The following PLEKHG5 variants were observed in gnomAD, a reference collection of about 807,000 sequenced individuals.
PLEKHG5 encodes the protein pleckstrin homology domain-containing family G member 5.
A neutral mutation model predicts 103.8 loss-of-function variants in PLEKHG5; 52 were observed. The ratio of observed to expected loss-of-function variants is 0.50; its 90% confidence interval spans 0.40 to 0.63. The LOEUF (loss-of-function observed/expected upper bound fraction) is 0.63. Among genes scored for constraint, PLEKHG5 ranks in the 30% least tolerant of loss-of-function variants. The pLI is 0.00. For synonymous variants in PLEKHG5, 592 were observed against 575.5 expected, an observed-to-expected ratio of 1.03 and a Z score of -0.41; for missense variants, 1,205 against 1,347.6, an observed-to-expected ratio of 0.89 and a Z score of 1.66.
chr1:6,479,105 AACAAAG>A (rs1016729063), intron 1 of PLEKHG5, among the ~76,000 whole-genome samples: 4 of 152,172 alleles, frequency 2.6e-5, no homozygotes, highest in Admixed American at 2.6e-4. Flanking sequence ...GCTGCCTAAG[AACAAAG>A]ACAGTTTTCC....
chr1:6,485,537 G>A, intron 1 of PLEKHG5: 1 of 1,184,074 alleles, frequency 8.4e-7, no homozygotes, highest in Non-Finnish European at 1.1e-6. Flanking sequence ...CCCCCGCCGA[G>A]CGCGGGGACC....
At chr1:6,469,310 C>T in intron 18 of PLEKHG5, 25 bp downstream of exon 18, 3 of 1,612,806 alleles carry the variant, frequency 1.9e-6, no homozygotes, top group Non-Finnish European at 1.7e-6. Flanking sequence ...CTGCCTTGCC[C>T]ACCCACTCAC....
chr1:6,485,178 C>A (rs930434302), intron 1 of PLEKHG5: 1 of 523,172 alleles, frequency 1.9e-6, no homozygotes, highest in African/African-American at 2.0e-5. Flanking sequence ...GTAGGGGGCT[C>A]GGCCGCCATG....
At chr1:6,494,417 C>T (rs779240741), upstream of PLEKHG5, among the ~76,000 whole-genome samples, 10 of 151,852 alleles carry the variant, frequency 6.6e-5, no homozygotes, top group African/African-American at 1.2e-4. Context: ...AGGTGTGAGC[C>T]ACCACGCCAG....
intron 1 of PLEKHG5, among the ~76,000 whole-genome samples, chr1:6,503,351 G>C (rs1027236731): frequency 2.6e-5 from 4 of 151,688 alleles, no homozygotes; most frequent in Non-Finnish European, 5.9e-5. Flanking sequence ...CAGATGCAGT[G>C]AGCTGTGATC....
At position 6,505,513 on chromosome 1, in the gene PLEKHG5, C is replaced by G. The variant is rs1206817646; in HGVS notation, c.-164-8944G>C. On this transcript the variant is annotated intron_variant, in intron 1 of 21. Coordinates refer to the PLEKHG5 transcript ENST00000377740. The surrounding 1 kb of genome is among the most constrained non-coding windows in gnomAD (Gnocchi z 4.2). ...AGGAGCAGTCCAACGTCCCACCCCT[C>G]TAAACACAAGCCACGGGGCTCAGCG... 2.0e-5 allele frequency among the ~76,000 whole-genome samples: 3 copies of G among 152,212 alleles called. No individual in the cohort carries two copies. The highest frequency in any genetic ancestry group is 4.4e-5 in the Non-Finnish European group (3 of 68,044).
At chr1:6,489,444 C>T (rs561854000) in intron 1 of PLEKHG5, among the ~76,000 whole-genome samples, 1 of 152,224 alleles carries the variant, frequency 6.6e-6, no homozygotes, top group Non-Finnish European at 1.5e-5. Flanking sequence ...GCCCACCGCA[C>T]GGGCCCTGGA....
rs1216757362 is a variant in PLEKHG5, at chr1:6,475,329, C to A, written c.210+133G>T. ...ATGGGAACCCCAGCAAGAAAGGGAACCCCAGCGATCTCCCAGACCTCTGCA... is the reference window on the plus strand; with the variant it reads ...ATGGGAACCCCAGCAAGAAAGGGAAACCCAGCGATCTCCCAGACCTCTGCA... On this transcript the variant is annotated intron_variant, in intron 4 of 20. Coordinates refer to ENST00000377728, the MANE Select transcript of PLEKHG5 (RefSeq NM_020631.6). 11 of 802,804 alleles carry A rather than the reference C, an allele frequency of 1.4e-5. No individual in the cohort carries two copies. In the Admixed American group the frequency reaches 2.0e-4, roughly 14 times the overall value. 49.7% of individuals were successfully genotyped at this position (802,804 alleles called of 1,614,324 possible). A position where few individuals can be genotyped will look rare whatever the true frequency, so the allele number is the denominator to read the frequency against.
intron 12 of PLEKHG5, 61 bp from the exon 13 acceptor site, chr1:6,471,161 C>A: frequency 7.3e-7 from 1 of 1,374,262 alleles, no homozygotes; most frequent in Non-Finnish European, 1.0e-6. Context: ...GGCCGGCCCG[C>A]GCCAGGCGCT....
At chr1:6,472,361 G>T (rs1029170088) in intron 10 of PLEKHG5, among the ~76,000 whole-genome samples, 166 bp downstream of exon 10, 1 of 152,210 alleles carries the variant, frequency 6.6e-6, no homozygotes, top group African/African-American at 2.4e-5. Flanking sequence ...CCCCTCCCAG[G>T]TTCCTCTAGG....
At chr1:6,485,959 G>A in intron 1 of PLEKHG5, 1 of 960,530 alleles carries the variant, frequency 1.0e-6, no homozygotes, top group Non-Finnish European at 1.2e-6. Flanking sequence ...AATGCTGGAG[G>A]CAGGGGGCGC....
At chr1:6,473,976 T>TGCCCCCCCCCC in intron 7 of PLEKHG5, 37 bp downstream of exon 7, 3 of 1,265,558 alleles carry the variant, frequency 2.4e-6, no homozygotes, top group African/African-American at 3.0e-5. Flanking sequence ...CTGGGCCCCT[T>TGCCCCCCCCCC]CCCACCCCCT....
rs1569847222 is a variant in PLEKHG5, at chr1:6,469,824, T to C, written c.1801-148A>G. 13 of 709,752 alleles carry C rather than the reference T, an allele frequency of 1.8e-5. No individual in the cohort carries two copies. In the East Asian group the frequency reaches 3.2e-4, roughly 17 times the overall value. 44.0% of individuals were successfully genotyped at this position (709,752 alleles called of 1,614,324 possible). ...AGTAAAATTAAAATGAAGAGGAAGA[T>C]GATTCTCTTTCACTGAGATGTACGT... On this transcript the variant is annotated intron_variant, in intron 16 of 20. Transcript: ENST00000377728.
Position 6,469,713 on chromosome 1 carries a change from G to GCAGGGT in PLEKHG5, c.1801-43_1801-38dup, listed in dbSNP as rs756710217. The GCAGGGT allele has an allele frequency of 2.2e-5, 36 of 1,606,642 alleles. No individual in the cohort carries two copies. In the African/African-American group the frequency reaches 4.0e-4, roughly 18 times the overall value. Reference sequence around the variant, plus strand: ...GGAGGGGGGGTGGCCAGAGAGGCCAGCAGGGTCAGGGCCAGGGACTGTGGC... The same window carrying GCAGGGT: ...GGAGGGGGGGTGGCCAGAGAGGCCAGCAGGGTCAGGGTCAGGGCCAGGGACTGTGGC... On this transcript the variant is annotated intron_variant, in intron 16 of 20. Coordinates refer to ENST00000377728, the MANE Select transcript of PLEKHG5 (RefSeq NM_020631.6).
At position 6,469,008 on chromosome 1, in the gene PLEKHG5, G is replaced by A. The variant is rs775723613; in HGVS notation, c.2249+34C>T. ...GTCCTGGGCTAGAGTACTTGTCCTG[G>A]TTTGACCTGCTGGGTGGTCATGAGC... On this transcript the variant is annotated intron_variant, in intron 19 of 20. Coordinates refer to ENST00000377728, the MANE Select transcript of PLEKHG5 (RefSeq NM_020631.6). The A allele has an allele frequency of 5.7e-6, 9 of 1,582,132 alleles. 1 individual carries two copies. In the South Asian group the frequency reaches 9.9e-5, roughly 17 times the overall value.
chr1:6,507,333 T>C (rs1482218150), intron 1 of PLEKHG5, among the ~76,000 whole-genome samples: 1 of 152,116 alleles, frequency 6.6e-6, no homozygotes, highest in African/African-American at 2.4e-5. Context: ...CAAAGCCAAC[T>C]TGGGGACCTG....
chr1:6,510,260 C>T (rs980266963), intron 1 of PLEKHG5, among the ~76,000 whole-genome samples: 9 of 152,120 alleles, frequency 5.9e-5, no homozygotes, highest in Non-Finnish European at 7.4e-5. Flanking sequence ...TGGCCAGGCC[C>T]TCCCCAAACG....
At chr1:6,491,814 G>T, upstream of PLEKHG5, 1 of 322,720 alleles carries the variant, frequency 3.1e-6, no homozygotes, top group Non-Finnish European at 4.5e-6. This position sits in a 1 kb window ranked among gnomAD's most constrained non-coding sequence, Gnocchi z 4.1. Flanking sequence ...ACTCCACACT[G>T]CAATCCCCTC....
chr1:6,485,536 A>T (rs1645011329), intron 1 of PLEKHG5: 1 of 1,175,160 alleles, frequency 8.5e-7, no homozygotes, highest in Non-Finnish European at 1.1e-6. Flanking sequence ...GCCCCCGCCG[A>T]GCGCGGGGAC....
Sources: allele counts gnomAD v4.1 joint callset (sites outside exome capture counted in the v4.1 genomes callset), GRCh38; gene constraint gnomAD v4.1.1; non-coding constraint Gnocchi (gnomAD v3.1); transcripts MANE v1.5; gene names NCBI Gene and HGNC (gene_info 2026-07-23, HGNC 2026-07-21).